Variants in METTL15 observed in about 807,000 individuals in gnomAD.
METTL15 encodes the protein methyltransferase 15, mitochondrial 12S rRNA N4-cytidine.
A neutral mutation model predicts 38.3 loss-of-function variants in METTL15; 34 were observed. The ratio of observed to expected loss-of-function variants is 0.89; its 90% CI spans 0.68 to 1.18. The LOEUF is 1.18. Ranked by LOEUF, METTL15 falls within the 50% of genes most tolerant of loss-of-function variation. The probability of loss-of-function intolerance (pLI) is 0.00; values close to 1 mark genes in which losing one functional copy is unlikely to be tolerated. For missense variants in METTL15, 438 were observed against 498.4 expected (o/e 0.88, Z 1.15); for synonymous variants, 162 against 170.9 (o/e 0.95, Z 0.41).
intron 4 of METTL15, among the ~76,000 whole-genome samples, chr11:28,266,525 T>A (rs1855425459): frequency 6.6e-6 from 1 of 152,232 alleles, no homozygotes; most frequent in Non-Finnish European, 1.5e-5. Flanking sequence ...CCTGCTATAC[T>A]TATCTACCGC....
At chr11:28,308,176 CT>C (rs1388354109) in intron 6 of METTL15, among the ~76,000 whole-genome samples, 1 of 151,918 alleles carries the variant, frequency 6.6e-6, no homozygotes, top group Non-Finnish European at 1.5e-5. Flanking sequence ...TATAGTTATT[CT>C]TTCTGTTTCT....
intron 4 of METTL15, among the ~76,000 whole-genome samples, chr11:28,285,729 C>A (rs1856234326): frequency 6.6e-6 from 1 of 152,110 alleles, no homozygotes; most frequent in Non-Finnish European, 1.5e-5. Context: ...TTCCTTGGGA[C>A]AATTTAACTG....
chr11:28,196,213 G>T (rs1218698539), intron 3 of METTL15, among the ~76,000 whole-genome samples: 1 of 151,866 alleles, frequency 6.6e-6, no homozygotes, highest in African/African-American at 2.4e-5. Flanking sequence ...TGAATTTTAG[G>T]ATTGTTTTTT....
At chr11:28,162,129 A>C (rs1399718253) in intron 3 of METTL15, among the ~76,000 whole-genome samples, 2 of 152,176 alleles carry the variant, frequency 1.3e-5, no homozygotes, top group Non-Finnish European at 2.9e-5. Context: ...GAAACTGCTG[A>C]CACACCAAGA....
Position 28,197,412 on chromosome 11 carries a change from AT to A in METTL15, c.271-13647del, listed in dbSNP as rs766307960. 17 of 303,896 alleles carry A rather than the reference AT, an allele frequency of 5.6e-5. 1 individual carries two copies. The South Asian group carries it at 5.6e-4, about 10-fold the overall frequency. The allele number at this position is 303,896 out of a possible 1,614,324, so 18.8% of individuals were successfully genotyped here. A position where few individuals can be genotyped will look rare whatever the true frequency, so the allele number is the denominator to read the frequency against. On this transcript the variant is annotated intron_variant, in intron 3 of 6. Coordinates refer to ENST00000407364, the MANE Select transcript of METTL15 (RefSeq NM_001113528.2). ...TGATTAAAATCCGTTTTATAATATTATTTATTTATATGACACTACTTTTTTC... is the reference window on the plus strand; with the variant it reads ...TGATTAAAATCCGTTTTATAATATTATTATTTATATGACACTACTTTTTTC...
intron 4 of METTL15, among the ~76,000 whole-genome samples, chr11:28,352,799 C>T (rs928539079): frequency 6.6e-6 from 1 of 152,132 alleles, no homozygotes; most frequent in Non-Finnish European, 1.5e-5. Context: ...GGCATCCAGG[C>T]AACAGCAAAA....
chr11:28,298,712 A>G (rs1362913046), intron 6 of METTL15, among the ~76,000 whole-genome samples: 1 of 152,118 alleles, frequency 6.6e-6, no homozygotes, highest in African/African-American at 2.4e-5. Context: ...CATATATGGT[A>G]AATAAAACCT....
intron 4 of METTL15, among the ~76,000 whole-genome samples, chr11:28,274,345 G>A (rs1855760948): frequency 6.6e-6 from 1 of 151,888 alleles, no homozygotes; most frequent in Non-Finnish European, 1.5e-5. Context: ...TTCTTCTTAT[G>A]TAATAACTAC....
intron 5 of METTL15, among the ~76,000 whole-genome samples, chr11:28,405,389 C>T (rs1850665112): frequency 6.6e-6 from 1 of 152,152 alleles, no homozygotes; most frequent in South Asian, 2.1e-4. Flanking sequence ...CTTATTCTAA[C>T]TTATTTTGAC....
At chr11:28,512,437 G>T (rs1851683193) in intron 6 of METTL15, among the ~76,000 whole-genome samples, 1 of 152,210 alleles carries the variant, frequency 6.6e-6, no homozygotes, top group Non-Finnish European at 1.5e-5. Flanking sequence ...GAGATGGGGA[G>T]GCTCAGGCAT....
intron 4 of METTL15, among the ~76,000 whole-genome samples, chr11:28,276,436 A>G (rs983437965): frequency 6.6e-6 from 1 of 152,168 alleles, no homozygotes; most frequent in African/African-American, 2.4e-5. Context: ...CATGAAGTAA[A>G]TTGAAGATGA....
intron 3 of METTL15, among the ~76,000 whole-genome samples, chr11:28,122,648 CA>C (rs988434161): frequency 6.6e-6 from 1 of 151,214 alleles, no homozygotes; most frequent in African/African-American, 2.4e-5. Flanking sequence ...CTAATAATTA[CA>C]GTGTATATTG....
rs1236108792 is a variant in METTL15, at chr11:28,330,443, C to T, written c.826C>T (p.Arg276Ter). ...AIYTRKDLLQRSTHIATKTFQ... is the reference protein window; with the variant it reads ...AIYTRKDLLQ ...TTATACACGGAAAGACTTACTACAG[C>T]GATCTACCCATATTGCCACCAAGAC... Residue 276 changes from arginine to a stop codon, truncating the protein, a stop_gained, in exon 7 of 7, where the codon CGA (arginine) becomes TGA (stop). Transcript: ENST00000407364. LOFTEE classifies it high-confidence loss of function. 1.3e-5 allele frequency: 20 copies of T among 1,550,872 alleles called. No individual in the cohort carries two copies. In the South Asian group the frequency reaches 2.0e-4, roughly 16 times the overall value.
At chr11:28,378,562 C>T (rs1271282708) in intron 5 of METTL15, among the ~76,000 whole-genome samples, 1 of 152,182 alleles carries the variant, frequency 6.6e-6, no homozygotes, top group Non-Finnish European at 1.5e-5. Context: ...GTCTGGCACT[C>T]CCTAGTGAGA....
chr11:28,352,710 T>C (rs1442217119), intron 4 of METTL15, among the ~76,000 whole-genome samples: 1 of 151,994 alleles, frequency 6.6e-6, no homozygotes, highest in Non-Finnish European at 1.5e-5. Flanking sequence ...CTCTCCCCAA[T>C]CTTCACCCCA....
intron 3 of METTL15, among the ~76,000 whole-genome samples, chr11:28,194,174 TTTTCTCTCTCTCTCTCTCC>T (rs1851815794): frequency 1.8e-5 from 1 of 54,250 alleles, no homozygotes. Context: ...CTTTCTTTCT[TTTTCTCTCTCTCTCTCTCC>T]TCTCTCTCTC....
chr11:28,188,154 C>A (rs1343529510), intron 3 of METTL15, among the ~76,000 whole-genome samples: 2 of 151,142 alleles, frequency 1.3e-5, no homozygotes, highest in Non-Finnish European at 3.0e-5. Flanking sequence ...ATCCAATTAG[C>A]TTTTTAAATG....
chr11:28,477,055 G>A, intron 6 of METTL15, among the ~76,000 whole-genome samples: 1 of 152,198 alleles, frequency 6.6e-6, no homozygotes. Flanking sequence ...GTAGCATAGT[G>A]CTTAGCCACG....
intron 4 of METTL15, among the ~76,000 whole-genome samples, chr11:28,239,906 T>A (rs1854215145): frequency 6.6e-6 from 1 of 152,216 alleles, no homozygotes; most frequent in Non-Finnish European, 1.5e-5. Context: ...TAAATAATAA[T>A]TACTAGTTTA....
Sources: gnomAD v4.1 joint callset for allele counts (sites outside exome capture counted in the v4.1 genomes callset) on GRCh38, gnomAD v4.1.1 for gene constraint, MANE v1.5 for transcripts, NCBI Gene and HGNC (gene_info 2026-07-23, HGNC 2026-07-21) for gene names.